Variants in ABLIM1 observed in about 807,000 individuals in gnomAD.
The protein encoded by ABLIM1 is actin-binding LIM protein 1.
Under a neutral mutation model 107.0 loss-of-function variants are expected in ABLIM1, and 40 were observed. The observed-to-expected ratio is 0.37, with a 90% CI of 0.29 to 0.49. ABLIM1 has a LOEUF of 0.49. ABLIM1 is among the 20% of genes least tolerant of loss of function. ABLIM1 has a pLI of 0.97. For missense variants in ABLIM1, 857 were observed against 1,008.5 expected, an observed-to-expected ratio of 0.85 and a Z score of 2.04; for synonymous variants, 357 against 357.3, an observed-to-expected ratio of 1.00 and a Z score of 0.01.
chr10:114,734,674 G>A (rs1248990918), intron 1 of ABLIM1, among the ~76,000 whole-genome samples: 7 of 152,114 alleles, frequency 4.6e-5, no homozygotes, highest in Non-Finnish European at 7.4e-5. Context: ...TTTCCTGCCC[G>A]TGACATGACT....
In ABLIM1 at chr10:114,565,788, C is replaced by CTTTTTTTTTTTTT. The variant is rs577896964; in HGVS notation, c.673+5496_673+5508dup. ...CGCGATGCTTTATCTGAAATGATTT[C>CTTTTTTTTTTTTT]TTTTTTTTTTTTTTTTTTTTTTTTG... is the stretch of plus-strand genomic sequence containing the variant. On this transcript the variant is annotated intron_variant, in intron 4 of 22. Transcript: ENST00000533213. 1.2e-4 allele frequency among the ~76,000 whole-genome samples: 12 copies of CTTTTTTTTTTTTT among 101,072 alleles called. 2 individuals are homozygous for CTTTTTTTTTTTTT. The highest frequency in any genetic ancestry group is 1.8e-4 in the Non-Finnish European group (9 of 51,106). 66.3% of individuals were successfully genotyped at this position (101,072 alleles called of 152,430 possible).
In ABLIM1 at chr10:114,741,216, CTTTTTTT is replaced by C. The variant is rs751287379; in HGVS notation, c.-213+26838_-213+26844del. ...ATAACACCTTGATAGGACTATTCTT[CTTTTTTT>C]TTTTTTTTTTTTTTTTTTTTGAGAT... is the stretch of plus-strand genomic sequence containing the variant. On this transcript the variant is annotated intron_variant, in intron 1 of 15. Transcript: ENST00000651092. Among the ~76,000 whole-genome samples the C allele has an allele frequency of 1.8e-4, 11 of 59,888 alleles. 1 individual carries two copies. The highest frequency in any genetic ancestry group is 1.8e-3 in the East Asian group (5 of 2,796). 39.3% of individuals were successfully genotyped at this position (59,888 alleles called of 152,430 possible). A position where few individuals can be genotyped will look rare whatever the true frequency, so the allele number is the denominator to read the frequency against.
intron 2 of ABLIM1, among the ~76,000 whole-genome samples, chr10:114,591,426 T>C (rs546905798): frequency 9.8e-5 from 15 of 152,334 alleles, no homozygotes; most frequent in African/African-American, 3.6e-4. Flanking sequence ...CCTCTATATA[T>C]AATCTGTAGA....
At chr10:114,790,948 A>G in the ABLIM1 span, among the ~76,000 whole-genome samples, 1 of 152,218 alleles carries the variant, frequency 6.6e-6, no homozygotes, top group Non-Finnish European at 1.5e-5. Flanking sequence ...TTTTCAGGGA[A>G]GAACTTTTAT....
chr10:114,538,849 C>T (rs2066322561), intron 6 of ABLIM1, among the ~76,000 whole-genome samples: 1 of 152,212 alleles, frequency 6.6e-6, no homozygotes, highest in South Asian at 2.1e-4. Flanking sequence ...ACACAGGTAG[C>T]CCCTGGGGGC....
chr10:114,466,067 T>C (rs182816352), intron 11 of ABLIM1, among the ~76,000 whole-genome samples: 89 of 152,320 alleles, frequency 5.8e-4, no homozygotes, highest in East Asian at 1.9e-4. Context: ...GAGCCAGGTG[T>C]GGTGGCTCAC....
chr10:114,758,144 C>T (rs1202640999), intron 1 of ABLIM1, among the ~76,000 whole-genome samples: 1 of 152,142 alleles, frequency 6.6e-6, no homozygotes, highest in Non-Finnish European at 1.5e-5. Context: ...ATTCTCCATT[C>T]TTCTTTTTTA....
chr10:114,537,079 C>T (rs2066119057), intron 6 of ABLIM1, among the ~76,000 whole-genome samples: 1 of 152,094 alleles, frequency 6.6e-6, no homozygotes, highest in Non-Finnish European at 1.5e-5. Flanking sequence ...TTACCATCCA[C>T]CAGGAATGGT....
At chr10:114,653,670 G>A (rs56970375) in intron 1 of ABLIM1, among the ~76,000 whole-genome samples, 3,600 of 152,270 alleles carry the variant, frequency 0.024, 125 homozygotes, top group African/African-American at 0.082. Flanking sequence ...AGGCTGTTTC[G>A]TACGTTTACT....
chr10:114,714,576 G>A (rs2141980884), intron 1 of ABLIM1, among the ~76,000 whole-genome samples: 1 of 152,290 alleles, frequency 6.6e-6, no homozygotes, highest in Admixed American at 6.5e-5. Context: ...CAATATCCAT[G>A]TGCTACCAAT....
exon 1 of ABLIM1, chr10:114,684,812 G>A: frequency 1.2e-6 from 1 of 801,622 alleles, no homozygotes; most frequent in Middle Eastern, 6.4e-4. Context: ...GAAAGAAAAG[G>A]ATCGATTATT....
At chr10:114,475,126 G>T (rs571886155) in intron 8 of ABLIM1, among the ~76,000 whole-genome samples, 10 of 152,182 alleles carry the variant, frequency 6.6e-5, no homozygotes, top group African/African-American at 2.4e-4. Flanking sequence ...AACAACCAGG[G>T]CCTCAGGATT....
At chr10:114,600,705 A>G (rs78150516) in intron 2 of ABLIM1, among the ~76,000 whole-genome samples, 3,357 of 152,266 alleles carry the variant, frequency 0.022, 106 homozygotes, top group African/African-American at 0.068. Flanking sequence ...TACCCCGTGC[A>G]GGGCACAGAG....
intron 8 of ABLIM1, among the ~76,000 whole-genome samples, chr10:114,476,248 G>A (rs958046152): frequency 1.3e-5 from 2 of 152,162 alleles, no homozygotes; most frequent in South Asian, 2.1e-4. Context: ...GTGCACAAGC[G>A]CTTTCCTGCT....
At chr10:114,742,505 A>G (rs2082307308) in intron 1 of ABLIM1, among the ~76,000 whole-genome samples, 1 of 152,168 alleles carries the variant, frequency 6.6e-6, no homozygotes. Flanking sequence ...CACTCCTCAT[A>G]TCACCTACTT....
At chr10:114,628,656 G>A (rs942381234) in intron 1 of ABLIM1, among the ~76,000 whole-genome samples, 8 of 152,134 alleles carry the variant, frequency 5.3e-5, no homozygotes, top group African/African-American at 1.2e-4. Context: ...GTGCCTAAAC[G>A]TAAAATTCTA....
chr10:114,758,283 A>C (rs1321097482), intron 1 of ABLIM1, among the ~76,000 whole-genome samples: 1 of 152,234 alleles, frequency 6.6e-6, no homozygotes, highest in East Asian at 1.9e-4. Flanking sequence ...AAATGAATAC[A>C]TTCTTGCCAA....
At chr10:114,695,832 AT>A (rs1174802749) in intron 1 of ABLIM1, among the ~76,000 whole-genome samples, 15 of 152,156 alleles carry the variant, frequency 9.9e-5, no homozygotes, top group Admixed American at 9.8e-4. Context: ...GGCACCTCAA[AT>A]TTTGATCTCT....
chr10:114,768,255 G>A (rs1228045543), upstream of ABLIM1, among the ~76,000 whole-genome samples: 2 of 147,148 alleles, frequency 1.4e-5, no homozygotes, highest in African/African-American at 2.4e-5. Context: ...GGGACGCAGC[G>A]GCCGCAGGGA....
Sources: gnomAD v4.1 joint callset for allele counts (sites outside exome capture counted in the v4.1 genomes callset) on GRCh38, gnomAD v4.1.1 for gene constraint, MANE v1.5 for transcripts, NCBI Gene and HGNC (gene_info 2026-07-23, HGNC 2026-07-21) for gene names.